Variants in EFR3A observed in about 807,000 individuals in gnomAD.
EFR3A encodes the protein protein EFR3 homolog A.
Under a neutral mutation model 104.4 loss-of-function variants are expected in EFR3A, and 76 were observed. The ratio of observed to expected loss-of-function variants is 0.73; its 90% CI spans 0.60 to 0.88. EFR3A has a LOEUF of 0.88. EFR3A is among the 40% of genes least tolerant of loss of function. The probability of loss-of-function intolerance (pLI) is 0.00; values close to 1 mark genes in which losing one functional copy is unlikely to be tolerated. For missense variants in EFR3A, 985 were observed against 1,012.5 expected (o/e 0.97, Z 0.37); for synonymous variants, 330 against 330.0 (o/e 1.00, Z 0.00).
chr8:132,007,998 A>G (rs1444394867), intron 22 of EFR3A, among the ~76,000 whole-genome samples: 1 of 152,074 alleles, frequency 6.6e-6, no homozygotes, highest in Non-Finnish European at 1.5e-5. Context: ...CAAAATTTCT[A>G]AAAGAAAACA....
chr8:131,926,064 G>A (rs772513412), intron 1 of EFR3A, among the ~76,000 whole-genome samples: 41 of 151,840 alleles, frequency 2.7e-4, no homozygotes, highest in Admixed American at 5.3e-4. Flanking sequence ...TCTATTATAG[G>A]GTTATAGTTG....
chr8:132,013,065 T>A lies in EFR3A; in HGVS notation c.*2170T>A, dbSNP rs956697661. The A allele has an allele frequency of 2.0e-5, 3 of 152,170 alleles. No individual in the cohort carries two copies. The highest frequency in any genetic ancestry group is 4.1e-4 in the South Asian group (2 of 4,820). The allele number at this position is 152,170 out of a possible 1,614,324, so 9.4% of individuals were successfully genotyped here. On this transcript the variant is annotated 3_prime_UTR_variant, in exon 23 of 23. Coordinates refer to ENST00000254624, the MANE Select transcript of EFR3A (RefSeq NM_015137.6). ...CTGACTCTCCCATATCTGCAAGAGA[T>A]TCTGCAGGAACTGGGTGTGCACACG...
intron 1 of EFR3A, among the ~76,000 whole-genome samples, chr8:131,916,535 G>A (rs1816752808): frequency 6.6e-6 from 1 of 152,150 alleles, no homozygotes; most frequent in African/African-American, 2.4e-5. Flanking sequence ...TTCATGTTAT[G>A]TTTGTAGGAG....
At chr8:131,975,923 G>A (rs1375750527) in intron 10 of EFR3A, 104 bp from the exon 11 acceptor site, 7 of 657,002 alleles carry the variant, frequency 1.1e-5, no homozygotes, top group Non-Finnish European at 1.9e-5. Context: ...GACTTGTGAG[G>A]GATTGTTTTA....
intron 10 of EFR3A, among the ~76,000 whole-genome samples, chr8:131,971,894 G>T (rs1820074569): frequency 6.6e-6 from 1 of 152,116 alleles, no homozygotes; most frequent in Non-Finnish European, 1.5e-5. Context: ...CCTCTGAGAA[G>T]ACACTTTCAG....
chr8:131,941,135 C>G (rs1818152362), intron 2 of EFR3A, among the ~76,000 whole-genome samples: 1 of 152,072 alleles, frequency 6.6e-6, no homozygotes, highest in Non-Finnish European at 1.5e-5. Flanking sequence ...ATTGACCACA[C>G]AGTTTTTAGA....
chr8:132,007,050 G>A (rs1192348919), intron 22 of EFR3A, among the ~76,000 whole-genome samples: 1 of 151,930 alleles, frequency 6.6e-6, no homozygotes, highest in African/African-American at 2.4e-5. Flanking sequence ...CTGATGTTAT[G>A]TATAATGGTG....
chr8:131,934,692 GTA>G (rs1040386526), intron 1 of EFR3A, among the ~76,000 whole-genome samples: 20 of 151,614 alleles, frequency 1.3e-4, no homozygotes, highest in South Asian at 1.2e-3. Flanking sequence ...GTGTGTGTGT[GTA>G]TATTGCTCTT....
intron 1 of EFR3A, among the ~76,000 whole-genome samples, chr8:131,924,483 A>G (rs2130461984): frequency 6.6e-6 from 1 of 152,250 alleles, no homozygotes; most frequent in South Asian, 2.1e-4. Context: ...TTGAGGAGAG[A>G]CAAGTATATA....
At chr8:131,911,527 G>A (rs959618562) in intron 1 of EFR3A, among the ~76,000 whole-genome samples, 1 of 152,210 alleles carries the variant, frequency 6.6e-6, no homozygotes, top group African/African-American at 2.4e-5. Context: ...TGAAACCAAA[G>A]TAGTTTTGGG....
intron 20 of EFR3A, 32 bp from the exon 21 acceptor site, chr8:132,002,571 C>G (rs1045710661): frequency 6.5e-6 from 10 of 1,544,894 alleles, no homozygotes; most frequent in Non-Finnish European, 8.9e-6. Flanking sequence ...TTATGTATTC[C>G]CTTTAATAAG....
chr8:131,930,901 G>T (rs757134748), intron 1 of EFR3A, among the ~76,000 whole-genome samples: 2 of 152,094 alleles, frequency 1.3e-5, no homozygotes, highest in Admixed American at 6.6e-5. Context: ...ACGAGGTGCA[G>T]CCTATATTAT....
Position 131,974,112 on chromosome 8 carries a change from A to G in EFR3A, c.1160-1915A>G, listed in dbSNP as rs888827687. ...CGTTGAAATTACCTCAGGATCTTAG[A>G]AAAGTACTGATGCTTGGACTCCCAC... On this transcript the variant is annotated intron_variant, in intron 10 of 22. Coordinates refer to ENST00000254624, the MANE Select transcript of EFR3A (RefSeq NM_015137.6). Among the ~76,000 whole-genome samples, 6 of 152,310 alleles carry G rather than the reference A, an allele frequency of 3.9e-5. No individual in the cohort carries two copies. The East Asian group carries it at 1.2e-3, about 29-fold the overall frequency.
intron 8 of EFR3A, among the ~76,000 whole-genome samples, chr8:131,960,614 C>G (rs1288056802): frequency 6.6e-6 from 1 of 152,100 alleles, no homozygotes; most frequent in East Asian, 1.9e-4. Flanking sequence ...TTACCATTTA[C>G]CATAAAATTG....
At chr8:131,958,055 A>G (rs1819112201) in intron 7 of EFR3A, among the ~76,000 whole-genome samples, 2 of 151,276 alleles carry the variant, frequency 1.3e-5, no homozygotes, top group South Asian at 2.1e-4. Flanking sequence ...GACACATTTG[A>G]GCCAGGGCCA....
chr8:131,973,065 A>G (rs1820156385), intron 10 of EFR3A, among the ~76,000 whole-genome samples: 1 of 148,264 alleles, frequency 6.7e-6, no homozygotes, highest in Non-Finnish European at 1.5e-5. Context: ...TTGCAGTCTC[A>G]TCACATGTCT....
intron 8 of EFR3A, among the ~76,000 whole-genome samples, chr8:131,964,791 C>T (rs1819602703): frequency 6.6e-6 from 1 of 152,166 alleles, no homozygotes; most frequent in South Asian, 2.1e-4. Context: ...AAGCTGGAGT[C>T]ATCACGCTAC....
chr8:131,980,640 G>T (rs1279914525), intron 14 of EFR3A, among the ~76,000 whole-genome samples: 1 of 151,764 alleles, frequency 6.6e-6, no homozygotes, highest in Non-Finnish European at 1.5e-5. Flanking sequence ...CCATTTTCTT[G>T]CTTACCTATC....
intron 2 of EFR3A, among the ~76,000 whole-genome samples, chr8:131,942,891 G>T (rs535324142): frequency 1.6e-4 from 25 of 152,190 alleles, no homozygotes; most frequent in African/African-American, 6.0e-4. Context: ...TTTGTAAACT[G>T]TATGATTCTA....
Sources: allele counts gnomAD v4.1 joint callset (sites outside exome capture counted in the v4.1 genomes callset), GRCh38; gene constraint gnomAD v4.1.1; transcripts MANE v1.5; gene names NCBI Gene and HGNC (gene_info 2026-07-23, HGNC 2026-07-21).